KMT2C: variants seen among roughly 807,000 people sequenced by gnomAD.
KMT2C encodes histone-lysine N-methyltransferase 2C.
KMT2C carries 88 observed loss-of-function variants against 507.9 expected under a neutral mutation model. The observed-to-expected ratio is 0.17, with a 90% CI of 0.15 to 0.21. The LOEUF (loss-of-function observed/expected upper bound fraction) is 0.21, where lower values mean the gene tolerates loss of function less well. Among genes scored for constraint, KMT2C ranks in the 10% least tolerant of loss-of-function variants. KMT2C has a pLI of 1.00. For missense variants in KMT2C, 4,954 were observed against 5,957.8 expected (o/e 0.83, Z 5.55); for synonymous variants, 2,049 against 2,080.8 (o/e 0.98, Z 0.42).
rs1342841516 is a variant in KMT2C, at chr7:152,163,101, T to G, written c.10476A>C (p.Ser3492=). 1 of 1,614,206 alleles carries G rather than the reference T, an allele frequency of 6.2e-7. No homozygotes were observed. The highest frequency in any genetic ancestry group is 2.2e-5 in the East Asian group (1 of 44,876). ...AAGTTTGGGTGGAGGGTGAATTAAT[T>G]GATCCTTGTTGTATATTCTGCTGCT... The part of the protein sequence containing the change: ...VLQQQNIQQG[S]INSPSTQTFM... The change falls in exon 43 of 59, where the codon TCA becomes TCC. Residue 3492 remains serine, a synonymous_variant. Coordinates refer to ENST00000262189, the MANE Select transcript of KMT2C (RefSeq NM_170606.3).
At chr7:152,421,756 T>C (rs966111845) in intron 1 of KMT2C, among the ~76,000 whole-genome samples, 7 of 152,196 alleles carry the variant, frequency 4.6e-5, no homozygotes, top group South Asian at 2.1e-4. Context: ...TGGGAGGAAG[T>C]TGAGGATCCA....
At chr7:152,147,908 A>G in intron 52 of KMT2C, 125 bp downstream of exon 52, 1 of 1,061,080 alleles carries the variant, frequency 9.4e-7, no homozygotes, top group Non-Finnish European at 1.3e-6. Context: ...GCATTTGTAA[A>G]TGAAAAATAC....
intron 3 of KMT2C, among the ~76,000 whole-genome samples, chr7:152,324,114 C>G (rs1232170386): frequency 6.6e-6 from 1 of 151,474 alleles, no homozygotes; most frequent in East Asian, 1.9e-4. Context: ...TTGAGATATA[C>G]TACATAGTAG....
At chr7:152,328,055 G>C (rs956652341) in intron 3 of KMT2C, among the ~76,000 whole-genome samples, 3 of 151,764 alleles carry the variant, frequency 2.0e-5, no homozygotes, top group Non-Finnish European at 4.4e-5. Context: ...GGTGAACAAA[G>C]CCCACCAACA....
At chr7:152,424,167 G>A (rs1339370760) in intron 1 of KMT2C, among the ~76,000 whole-genome samples, 1 of 151,930 alleles carries the variant, frequency 6.6e-6, no homozygotes, top group Non-Finnish European at 1.5e-5. Flanking sequence ...TGGGTGGGGT[G>A]CAGTTGCAGG....
At chr7:152,387,469 ATTT>A (rs34278604) in intron 1 of KMT2C, among the ~76,000 whole-genome samples, 2 of 115,712 alleles carry the variant, frequency 1.7e-5, no homozygotes, top group Admixed American at 9.0e-5. Flanking sequence ...GTATAATTCC[ATTT>A]TTTTTTTTTT....
At chr7:152,150,843 A>G in intron 51 of KMT2C, 57 bp downstream of exon 51, 1 of 1,198,380 alleles carries the variant, frequency 8.3e-7, no homozygotes, top group South Asian at 1.2e-5. Context: ...CCATATGCCC[A>G]GAACACAGAA....
chr7:152,417,743 G>A (rs1021166269), intron 1 of KMT2C, among the ~76,000 whole-genome samples: 2 of 150,332 alleles, frequency 1.3e-5, no homozygotes, highest in Non-Finnish European at 3.0e-5. Context: ...CTGGGTTCAC[G>A]CCATCCTCCT....
chr7:152,258,540 T>TTG (rs1588657806), intron 9 of KMT2C, among the ~76,000 whole-genome samples: 1 of 151,702 alleles, frequency 6.6e-6, no homozygotes, highest in East Asian at 1.9e-4. Flanking sequence ...TGTTGTTGTT[T>TTG]TTGAGACAGA....
At chr7:152,310,424 G>A (rs1053728997) in intron 5 of KMT2C, among the ~76,000 whole-genome samples, 1 of 152,086 alleles carries the variant, frequency 6.6e-6, no homozygotes, top group Admixed American at 6.5e-5. Context: ...AATTAGCTGG[G>A]CGTGGTGGTG....
chr7:152,316,631 A>G (rs923917283), intron 3 of KMT2C, among the ~76,000 whole-genome samples: 1 of 152,152 alleles, frequency 6.6e-6, no homozygotes, highest in Admixed American at 6.6e-5. Flanking sequence ...CATATCTTGC[A>G]TTACCAGGTG....
At chr7:152,418,582 C>T (rs2097760072) in intron 1 of KMT2C, among the ~76,000 whole-genome samples, 1 of 151,956 alleles carries the variant, frequency 6.6e-6, no homozygotes, top group Non-Finnish European at 1.5e-5. Context: ...CAGGCGCATG[C>T]CACCACACCT....
chr7:152,419,457 G>A (rs1288208364), intron 1 of KMT2C, among the ~76,000 whole-genome samples: 1 of 152,110 alleles, frequency 6.6e-6, no homozygotes, highest in African/African-American at 2.4e-5. Flanking sequence ...CCTGTGCATT[G>A]AAAATTATAA....
rs190739286 is a variant in KMT2C, at chr7:152,264,063, T to G, written c.1185-933A>C. 5.3e-5 allele frequency among the ~76,000 whole-genome samples: 8 copies of G among 152,288 alleles called. No homozygotes were observed. In the East Asian group the frequency reaches 1.5e-3, roughly 29 times the overall value. ...ATCTCCTCAGCTACGTGGAAAGATC[T>G]TGGAGGACAAGTACTCTTCCTTCAA... On this transcript the variant is annotated intron_variant, in intron 8 of 58. Transcript: ENST00000262189.
At chr7:152,157,598 G>C (rs1382264434) in intron 44 of KMT2C, among the ~76,000 whole-genome samples, 1 of 152,120 alleles carries the variant, frequency 6.6e-6, no homozygotes, top group African/African-American at 2.4e-5. Context: ...GTTTATGCTA[G>C]AAATACTTCA....
chr7:152,172,795 A>G (rs1212947473), intron 39 of KMT2C, among the ~76,000 whole-genome samples: 1 of 152,216 alleles, frequency 6.6e-6, no homozygotes, highest in African/African-American at 2.4e-5. Flanking sequence ...ACTATCACCA[A>G]TAGAAGACAG....
At chr7:152,391,668 C>G (rs1266346749) in intron 1 of KMT2C, among the ~76,000 whole-genome samples, 1 of 151,850 alleles carries the variant, frequency 6.6e-6, no homozygotes, top group African/African-American at 2.4e-5. Context: ...TCCTGAGTAG[C>G]TGGGATTACA....
chr7:152,230,365 C>G (rs778424594), intron 16 of KMT2C, 44 bp from the exon 17 acceptor site: 1 of 869,206 alleles, frequency 1.2e-6, no homozygotes, highest in Non-Finnish European at 1.8e-6. Context: ...ATATTTTTCA[C>G]TTGTTTTACA....
chr7:152,327,759 C>T (rs1160284763), intron 3 of KMT2C, among the ~76,000 whole-genome samples: 1 of 151,918 alleles, frequency 6.6e-6, no homozygotes, highest in African/African-American at 2.4e-5. Context: ...GAGATCAAGG[C>T]CATCCTGGCT....
Sources: gnomAD v4.1 joint callset for allele counts (sites outside exome capture counted in the v4.1 genomes callset) on GRCh38, gnomAD v4.1.1 for gene constraint, MANE v1.5 for transcripts, NCBI Gene and HGNC (gene_info 2026-07-23, HGNC 2026-07-21) for gene names.